TRANK1: variants seen among roughly 807,000 people sequenced by gnomAD.
The protein encoded by TRANK1 is TPR and ankyrin repeat-containing protein 1.
Under a neutral mutation model 266.0 loss-of-function variants are expected in TRANK1, and 198 were observed. That is an observed-to-expected ratio of 0.74 (90% CI 0.66 to 0.84). The LOEUF is 0.84. Among genes scored for constraint, TRANK1 ranks in the 40% least tolerant of loss-of-function variants. The pLI, the probability that TRANK1 is intolerant of heterozygous loss-of-function variation, is 0.00. For synonymous variants in TRANK1, 1,396 were observed against 1,384.1 expected, an observed-to-expected ratio of 1.01 and a Z score of -0.19; for missense variants, 3,326 against 3,634.6, an observed-to-expected ratio of 0.92 and a Z score of 2.18.
At chr3:36,910,603 G>A (rs573178409) in intron 1 of TRANK1, among the ~76,000 whole-genome samples, 20 of 151,680 alleles carry the variant, frequency 1.3e-4, no homozygotes, top group African/African-American at 2.7e-4. Context: ...AGACAGGTGC[G>A]GTGGCACGCA....
rs1368989015 is a variant in TRANK1 at position 36,855,196 on chromosome 3, T to C, written c.4526A>G (p.Tyr1509Cys). The change falls in exon 13 of 24, where the codon TAC becomes TGC. Residue 1509 changes from tyrosine to cysteine, a missense_variant. Transcript: ENST00000645898. The part of the protein sequence containing the change: ...VRKPKKIHQL[Y>C]QNYRSHSGIL... ...ACCTGAGTGGGACCTGTAATTCTGG[T>C]ACAGCTGGTGGATCTTCTTGGGCTT... 6.2e-7 allele frequency: 1 copy of C among 1,612,452 alleles called. No individual in the cohort carries two copies. Among genetic ancestry groups the C allele is most frequent in the Non-Finnish European group, 8.5e-7 (1 of 1,178,672 alleles).
chr3:36,828,059 T>C lies in TRANK1; in HGVS notation c.*216A>G, dbSNP rs1414346443. The C allele has an allele frequency of 1.9e-6, 1 of 516,226 alleles. No homozygotes were observed. The highest frequency in any genetic ancestry group is 3.5e-6 in the Non-Finnish European group (1 of 286,890). 32.0% of individuals were successfully genotyped at this position (516,226 alleles called of 1,614,324 possible). ...ATTTGTTTGTGGGGGAAACTAATACTGCCAGACTCTACTTGGAAACACTTT... is the reference window on the plus strand; with the variant it reads ...ATTTGTTTGTGGGGGAAACTAATACCGCCAGACTCTACTTGGAAACACTTT... On this transcript the variant is annotated 3_prime_UTR_variant, in exon 24 of 24. Coordinates refer to ENST00000645898, the MANE Select transcript of TRANK1 (RefSeq NM_001329998.2).
chr3:36,898,819 C>G (rs1413791079), intron 4 of TRANK1, among the ~76,000 whole-genome samples: 1 of 150,504 alleles, frequency 6.6e-6, no homozygotes, highest in Non-Finnish European at 1.5e-5. Context: ...TCACTGCACT[C>G]CGGCCTGGTG....
At chr3:36,854,467 A>G (rs1353368889) in intron 13 of TRANK1, among the ~76,000 whole-genome samples, 2 of 152,240 alleles carry the variant, frequency 1.3e-5, no homozygotes, top group African/African-American at 4.8e-5. Flanking sequence ...CAGTTTTTAA[A>G]CATGTAAAGC....
intron 18 of TRANK1, among the ~76,000 whole-genome samples, chr3:36,840,154 T>C (rs1032055659): frequency 2.0e-5 from 3 of 151,896 alleles, no homozygotes; most frequent in Non-Finnish European, 2.9e-5. Context: ...AGATTTTATA[T>C]AGTTTTCCAA....
At chr3:36,943,123 C>A (rs2080520232) in intron 1 of TRANK1, among the ~76,000 whole-genome samples, 1 of 151,764 alleles carries the variant, frequency 6.6e-6, no homozygotes, top group Non-Finnish European at 1.5e-5. Flanking sequence ...ACCCAGGAGG[C>A]GGAGGCTGCA....
At position 36,925,631 on chromosome 3, in the gene TRANK1, C is replaced by T. The variant is rs753723359; in HGVS notation, c.24-17177G>A. 6.0e-5 allele frequency among the ~76,000 whole-genome samples: 9 copies of T among 150,472 alleles called. No individual in the cohort carries two copies. In the South Asian group the frequency reaches 6.3e-4, roughly 11 times the overall value. On this transcript the variant is annotated intron_variant, in intron 1 of 23. Transcript: ENST00000645898. ...TTTGAGACGGAGTCTCGCTCTGTCA[C>T]CCAGGCTGGAGTGCAGTGGTGCAAT...
chr3:36,912,895 T>C (rs2080072505), intron 1 of TRANK1, among the ~76,000 whole-genome samples: 1 of 152,028 alleles, frequency 6.6e-6, no homozygotes, highest in African/African-American at 2.4e-5. Context: ...TTTTTTGGGG[T>C]TTTTTGTTTG....
chr3:36,904,378 G>A (rs919424342), intron 2 of TRANK1, among the ~76,000 whole-genome samples: 2 of 151,752 alleles, frequency 1.3e-5, no homozygotes, highest in Non-Finnish European at 2.9e-5. Context: ...AAATTATCTG[G>A]GTGTGGTGGG....
rs11445289 is a variant in TRANK1 at position 36,886,904 on chromosome 3, A to ATTTT, written c.907+2921_907+2924dup. ...TCCTTCCACCTACATTTTTTGTTGG[A>ATTTT]TTTTTTTTTTTTTTTTTTTTGAGAC... On this transcript the variant is annotated intron_variant, in intron 8 of 23. Transcript: ENST00000645898. 2.2e-3 allele frequency among the ~76,000 whole-genome samples: 261 copies of ATTTT among 117,622 alleles called. 7 individuals are homozygous for ATTTT. Among genetic ancestry groups the ATTTT allele is most frequent in the African/African-American group, 6.8e-3 (204 of 30,150 alleles). The allele number at this position is 117,622 out of a possible 152,430, so 77.2% of individuals were successfully genotyped here.
At chr3:36,871,422 C>T (rs571613199) in intron 9 of TRANK1, among the ~76,000 whole-genome samples, 12 of 152,230 alleles carry the variant, frequency 7.9e-5, no homozygotes, top group African/African-American at 2.9e-4. Flanking sequence ...GTCAGCCATT[C>T]TCTACCACTA....
chr3:36,891,232 C>T (rs779995760), intron 7 of TRANK1, among the ~76,000 whole-genome samples: 7 of 152,142 alleles, frequency 4.6e-5, no homozygotes, highest in African/African-American at 1.7e-4. Flanking sequence ...CCCAGATACT[C>T]GGGGGGCTGA....
intron 2 of TRANK1, among the ~76,000 whole-genome samples, chr3:36,905,997 G>A (rs1046078169): frequency 6.6e-6 from 1 of 152,172 alleles, no homozygotes; most frequent in Non-Finnish European, 1.5e-5. Context: ...TCCCAGTAGG[G>A]GTCACACAGT....
chr3:36,918,386 G>A (rs1488630709), intron 1 of TRANK1, among the ~76,000 whole-genome samples: 1 of 150,998 alleles, frequency 6.6e-6, no homozygotes, highest in Non-Finnish European at 1.5e-5. Context: ...TGTTAAGATG[G>A]CAAACTATGT....
In TRANK1 at chr3:36,857,293, CCCT is replaced by C; in HGVS notation, c.2426_2428del (p.Glu809del). On this transcript the variant is annotated inframe_deletion, in exon 13 of 24. Transcript: ENST00000645898. The surrounding 1 kb of genome is among the most constrained non-coding windows in gnomAD (Gnocchi z 4.3). ...GCTCCAGTCATCCTGATCATCATTG[CCCT>C]CCTTCCCCCTGTTATCATCAGGCAC... 6.2e-7 allele frequency: 1 copy of C among 1,609,198 alleles called. No individual in the cohort carries two copies. The highest frequency in any genetic ancestry group is 8.5e-7 in the Non-Finnish European group (1 of 1,177,528).
chr3:36,847,091 G>T, intron 16 of TRANK1, 109 bp downstream of exon 16: 1 of 1,337,508 alleles, frequency 7.5e-7, no homozygotes, highest in Non-Finnish European at 1.0e-6. Flanking sequence ...CCCCGTTGCT[G>T]AGGAAAACCA....
intron 4 of TRANK1, 141 bp downstream of exon 4, chr3:36,898,968 G>A (rs1026548784): frequency 1.2e-6 from 1 of 869,272 alleles, no homozygotes; most frequent in African/African-American, 1.7e-5. Context: ...GCTTTCTAAT[G>A]TGTGAACTAG....
At chr3:36,913,810 A>G (rs986406438) in intron 1 of TRANK1, among the ~76,000 whole-genome samples, 11 of 151,898 alleles carry the variant, frequency 7.2e-5, no homozygotes, top group African/African-American at 2.4e-4. Flanking sequence ...ACACCTTGCC[A>G]CCACCCCCCT....
intron 10 of TRANK1, 34 bp downstream of exon 10, chr3:36,864,285 T>G (rs1373356638): frequency 1.4e-6 from 2 of 1,470,924 alleles, no homozygotes; most frequent in Non-Finnish European, 1.8e-6. Context: ...CATAAATCAT[T>G]TTTAACATCA....
Sources: allele counts gnomAD v4.1 joint callset (sites outside exome capture counted in the v4.1 genomes callset), GRCh38; gene constraint gnomAD v4.1.1; non-coding constraint Gnocchi (gnomAD v3.1); transcripts MANE v1.5; gene names NCBI Gene and HGNC (gene_info 2026-07-23, HGNC 2026-07-21).